Variants in MYO5B observed in about 807,000 individuals in gnomAD.
The protein encoded by MYO5B is unconventional myosin-Vb.
MYO5B carries 143 observed loss-of-function variants against 229.3 expected under a neutral mutation model. The ratio of observed to expected loss-of-function variants is 0.62; its 90% CI spans 0.54 to 0.72. MYO5B has a LOEUF of 0.72. Among genes scored for constraint, MYO5B ranks in the 30% least tolerant of loss-of-function variants. The pLI, the probability that MYO5B is intolerant of heterozygous loss-of-function variation, is 0.00. For missense variants in MYO5B, 2,321 were observed against 2,331.0 expected (o/e 1.00, Z 0.09); for synonymous variants, 918 against 885.2 (o/e 1.04, Z -0.66).
intron 31 of MYO5B, 39 bp from the exon 32 acceptor site, chr18:49,849,699 C>T (rs781269303): frequency 6.6e-7 from 1 of 1,526,256 alleles, no homozygotes; most frequent in East Asian, 2.2e-5. Context: ...AGACATCAGC[C>T]CGGCCTGGGA....
At chr18:49,912,312 A>G in intron 17 of MYO5B, 139 bp from the exon 18 acceptor site, 1 of 741,052 alleles carries the variant, frequency 1.3e-6, no homozygotes, top group East Asian at 2.6e-5. Flanking sequence ...GAACAGTCCC[A>G]GGGGAGTTTT....
At chr18:49,987,403 T>A (rs2025882252) in intron 7 of MYO5B, among the ~76,000 whole-genome samples, 1 of 152,194 alleles carries the variant, frequency 6.6e-6, no homozygotes. Flanking sequence ...TTGGCTTTCC[T>A]GGATCGCAGC....
Position 49,902,713 on chromosome 18 carries a change from T to C in MYO5B, c.2692A>G (p.Lys898Glu), listed in dbSNP as rs1278617685. ...AGGGCCTTCAGCTCCCGCCTGGCCT[T>C]GAGCATCCGGAAGGCACACTGGATG... ...IVIQCAFRML[K>E]ARRELKALRI... is the part of the protein sequence containing the mutation. The change falls in exon 21 of 40, where the codon AAG (lysine) becomes GAG (glutamate). Residue 898 changes from lysine (K) to glutamate (E), a missense_variant. Transcript: ENST00000285039. 6.2e-7 allele frequency: 1 copy of C among 1,611,506 alleles called. No individual in the cohort carries two copies. The highest frequency in any genetic ancestry group is 1.1e-5 in the South Asian group (1 of 91,080).
rs1031424868 is a variant in MYO5B at position 49,864,610 on chromosome 18, G to A, written c.3604-230C>T. 5.9e-5 allele frequency among the ~76,000 whole-genome samples: 9 copies of A among 152,226 alleles called. No individual in the cohort carries two copies. The South Asian group carries it at 1.0e-3, about 18-fold the overall frequency. ...AGCACCTGCACAATGCCTCCAGAGCGGCAGTCTCCAAAGTGATTCAACAGT... is the reference window on the plus strand; with the variant it reads ...AGCACCTGCACAATGCCTCCAGAGCAGCAGTCTCCAAAGTGATTCAACAGT... On this transcript the variant is annotated intron_variant, in intron 27 of 39. Coordinates refer to ENST00000285039, the MANE Select transcript of MYO5B (RefSeq NM_001080467.3).
At chr18:50,148,431 C>T (rs923242987) in intron 1 of MYO5B, among the ~76,000 whole-genome samples, 1 of 151,406 alleles carries the variant, frequency 6.6e-6, no homozygotes, top group Non-Finnish European at 1.5e-5. Flanking sequence ...TGCAAAAATC[C>T]TCAATAAAAT....
At chr18:49,908,631 A>G (rs1009494914) in intron 18 of MYO5B, among the ~76,000 whole-genome samples, 1 of 152,152 alleles carries the variant, frequency 6.6e-6, no homozygotes, top group Non-Finnish European at 1.5e-5. Flanking sequence ...CTCCCTGCAG[A>G]TGTTTGTTAA....
intron 22 of MYO5B, among the ~76,000 whole-genome samples, chr18:49,890,869 A>G (rs545896221): frequency 2.0e-5 from 3 of 152,230 alleles, no homozygotes; most frequent in Non-Finnish European, 2.9e-5. Context: ...TTTTTAAAGT[A>G]GTGATTAAAG....
At chr18:50,039,144 ACCACAAAGGAGCGACTC>A (rs2029924927) in intron 3 of MYO5B, among the ~76,000 whole-genome samples, 1 of 152,200 alleles carries the variant, frequency 6.6e-6, no homozygotes, top group African/African-American at 2.4e-5. Context: ...CCGGGACAAG[ACCACAAAGGAGCGACTC>A]CCACAAAGGA....
intron 14 of MYO5B, among the ~76,000 whole-genome samples, chr18:49,939,698 T>C (rs562628993): frequency 7.5e-4 from 114 of 152,316 alleles, no homozygotes; most frequent in Non-Finnish European, 1.4e-3. Context: ...TGGCTGAGCC[T>C]GGGCTAGAAC....
Position 49,974,291 on chromosome 18 carries a change from A to C in MYO5B, c.1322+59T>G, listed in dbSNP as rs1176981389. On this transcript the variant is annotated intron_variant, in intron 10 of 39. Transcript: ENST00000285039. The stretch of plus-strand genomic sequence containing the variant: ...TCTCCAATGCCCCTGCTGGCTGTAA[A>C]GTATGAGCAGGAAGCCACTCCCAGG... 1.9e-6 allele frequency: 3 copies of C among 1,611,388 alleles called. No homozygotes were observed. In the African/African-American group the frequency reaches 4.0e-5, roughly 22 times the overall value.
chr18:49,879,293 A>C, intron 23 of MYO5B: 1 of 626,042 alleles, frequency 1.6e-6, no homozygotes. Context: ...GAGGGAGAGA[A>C]AGACCCTGCT....
chr18:49,994,976 T>G (rs746038349), intron 5 of MYO5B, among the ~76,000 whole-genome samples: 1 of 152,202 alleles, frequency 6.6e-6, no homozygotes, highest in Non-Finnish European at 1.5e-5. Context: ...TTACTAACTT[T>G]CACCATACTT....
At chr18:49,880,753 T>C (rs2024577621) in intron 22 of MYO5B, among the ~76,000 whole-genome samples, 1 of 152,192 alleles carries the variant, frequency 6.6e-6, no homozygotes, top group South Asian at 2.1e-4. Flanking sequence ...AGGCTTTCTG[T>C]AGAGAGCTGA....
At chr18:50,194,687 G>A (rs1599095734) in intron 1 of MYO5B, 80 bp downstream of exon 1, 1 of 1,045,976 alleles carries the variant, frequency 9.6e-7, no homozygotes, top group Non-Finnish European at 1.4e-6. Flanking sequence ...AGTAGCCGAG[G>A]GAGAAGGCGA....
chr18:50,142,900 G>C (rs1212171464), intron 1 of MYO5B, among the ~76,000 whole-genome samples: 1 of 152,192 alleles, frequency 6.6e-6, no homozygotes, highest in African/African-American at 2.4e-5. Flanking sequence ...GTGAAGATGA[G>C]TGCCAGCAGA....
chr18:49,931,264 C>T lies in MYO5B; in HGVS notation c.2004-1666G>A, dbSNP rs149178281. Among the ~76,000 whole-genome samples, 219 of 152,316 alleles carry T rather than the reference C, an allele frequency of 1.4e-3. 1 individual carries two copies. The highest frequency in any genetic ancestry group is 1.0e-3 in the Non-Finnish European group (71 of 68,024). Reference sequence around the variant, plus strand: ...AGATGCCACCTCAACCCAGGCAACACTCCACGTTGCACATCAGCCCTGGGT... The same window carrying T: ...AGATGCCACCTCAACCCAGGCAACATTCCACGTTGCACATCAGCCCTGGGT... On this transcript the variant is annotated intron_variant, in intron 16 of 39. Coordinates refer to ENST00000285039, the MANE Select transcript of MYO5B (RefSeq NM_001080467.3).
At chr18:49,979,456 C>G (rs2025791118) in intron 9 of MYO5B, among the ~76,000 whole-genome samples, 1 of 152,200 alleles carries the variant, frequency 6.6e-6, no homozygotes, top group South Asian at 2.1e-4. Flanking sequence ...ATGAGCTCTA[C>G]TGAATCCCAG....
chr18:49,933,863 C>T (rs1291097305), intron 16 of MYO5B, among the ~76,000 whole-genome samples: 1 of 152,158 alleles, frequency 6.6e-6, no homozygotes, highest in African/African-American at 2.4e-5. Context: ...TATTCAGATT[C>T]TTTCATCAGG....
At chr18:50,071,197 A>T (rs939401990) in intron 1 of MYO5B, among the ~76,000 whole-genome samples, 1 of 152,134 alleles carries the variant, frequency 6.6e-6, no homozygotes, top group Admixed American at 6.5e-5. Context: ...TGCTGAAGAT[A>T]TCTTCCTCCC....
Sources: gnomAD v4.1 joint callset for allele counts (sites outside exome capture counted in the v4.1 genomes callset) on GRCh38, gnomAD v4.1.1 for gene constraint, MANE v1.5 for transcripts, NCBI Gene and HGNC (gene_info 2026-07-23, HGNC 2026-07-21) for gene names.